Variants in NMT1 observed in about 807,000 individuals in gnomAD.
The protein encoded by NMT1 is N-myristoyltransferase 1.
Under a neutral mutation model 63.4 loss-of-function variants are expected in NMT1, and 12 were observed. The observed-to-expected ratio is 0.19, with a 90% CI of 0.12 to 0.31. The LOEUF (loss-of-function observed/expected upper bound fraction) is 0.31. NMT1 is among the 10% of genes least tolerant of loss of function. The pLI is 1.00. For missense variants in NMT1, 432 were observed against 634.6 expected (o/e 0.68, Z 3.43); for synonymous variants, 228 against 234.3 (o/e 0.97, Z 0.25).
intron 8 of NMT1, 71 bp downstream of exon 8, chr17:45,099,584 G>A: frequency 5.4e-6 from 6 of 1,107,624 alleles, no homozygotes; most frequent in Non-Finnish European, 8.3e-6. Flanking sequence ...CAGCAGGAGA[G>A]AAGGGCTCTG....
chr17:45,072,372 G>C (rs1042746797), intron 1 of NMT1, among the ~76,000 whole-genome samples: 5 of 151,360 alleles, frequency 3.3e-5, no homozygotes, highest in African/African-American at 1.2e-4. Context: ...CGATTCTTCT[G>C]CCTCAGCCTC....
At chr17:45,076,135 C>T (rs1446179906) in intron 1 of NMT1, among the ~76,000 whole-genome samples, 2 of 152,088 alleles carry the variant, frequency 1.3e-5, no homozygotes, top group Non-Finnish European at 2.9e-5. Context: ...GAAGGATTAG[C>T]CTGGCTTCTG....
rs1173245042 is a variant in NMT1 at position 45,103,891 on chromosome 17, G to T, written c.1332+15G>T. On this transcript the variant is annotated intron_variant, in intron 10 of 11. Coordinates refer to ENST00000258960, the MANE Select transcript of NMT1 (RefSeq NM_021079.5). The surrounding 1 kb of genome is among the most constrained non-coding windows in gnomAD (Gnocchi z 4.8). Reference sequence around the variant, plus strand: ...TCGCCAAAATGGTGAGGAGCAGACGGGGGGGTCTCTGGAGATGTGCAGGGA... The same window carrying T: ...TCGCCAAAATGGTGAGGAGCAGACGTGGGGGTCTCTGGAGATGTGCAGGGA... 1.9e-6 allele frequency: 3 copies of T among 1,612,892 alleles called. No homozygotes were observed. Among genetic ancestry groups the T allele is most frequent in the Non-Finnish European group, 2.5e-6 (3 of 1,179,984 alleles).
At chr17:45,079,100 TTTTC>T (rs1197538083) in intron 1 of NMT1, among the ~76,000 whole-genome samples, 2 of 150,626 alleles carry the variant, frequency 1.3e-5, no homozygotes, top group Non-Finnish European at 3.0e-5. Context: ...TTTCTTTTCT[TTTTC>T]TTTTTTTTTT....
rs2054211825 is a variant in NMT1 at position 45,107,753 on chromosome 17, A to C, written c.*2114A>C. On this transcript the variant is annotated 3_prime_UTR_variant, in exon 12 of 12. Coordinates refer to ENST00000258960, the MANE Select transcript of NMT1 (RefSeq NM_021079.5). ...AGATTTGGGCTGTGCGGATCTCTGG[A>C]GTGAGCTCTGTTTCGGTTGACCCAG... 1 of 152,276 alleles carries C rather than the reference A, an allele frequency of 6.6e-6. No homozygotes were observed. The highest frequency in any genetic ancestry group is 6.5e-5 in the Admixed American group (1 of 15,286). 9.4% of individuals were successfully genotyped at this position (152,276 alleles called of 1,614,324 possible). A position where few individuals can be genotyped will look rare whatever the true frequency, so the allele number is the denominator to read the frequency against.
In NMT1 at chr17:45,096,151, A is replaced by G. The variant is rs755502133; in HGVS notation, c.505-43A>G. The stretch of plus-strand genomic sequence containing the variant: ...CCCAGGGTATTGGAGTTGGTCTACT[A>G]CCTGGCAGAATACCTCCAAGTGAGC... On this transcript the variant is annotated intron_variant, in intron 4 of 11. Coordinates refer to ENST00000258960, the MANE Select transcript of NMT1 (RefSeq NM_021079.5). 17 of 1,483,116 alleles carry G rather than the reference A, an allele frequency of 1.1e-5. No homozygotes were observed. The Admixed American group carries it at 2.3e-4, about 20-fold the overall frequency. 91.9% of individuals were successfully genotyped at this position (1,483,116 alleles called of 1,614,324 possible).
intron 2 of NMT1, among the ~76,000 whole-genome samples, chr17:45,085,081 C>T (rs1203193235): frequency 6.6e-6 from 1 of 151,546 alleles, no homozygotes; most frequent in Non-Finnish European, 1.5e-5. Context: ...GACCCCGTCT[C>T]GACAAAAAAA....
intron 6 of NMT1, 75 bp from the exon 7 acceptor site, chr17:45,098,307 G>C: frequency 1.4e-6 from 2 of 1,422,218 alleles, no homozygotes; most frequent in South Asian, 2.5e-5. Flanking sequence ...TCTAGGTGTG[G>C]CTGCACGTGC....
Position 45,061,361 on chromosome 17 carries a change from C to A in NMT1, c.32C>A (p.Pro11Gln). The A allele has an allele frequency of 1.9e-6, 3 of 1,613,962 alleles. No individual in the cohort carries two copies. Among genetic ancestry groups the A allele is most frequent in the Non-Finnish European group, 2.5e-6 (3 of 1,179,980 alleles). The part of the protein sequence containing the change: MADESETAVK[P>Q]PAPPLPQMME... Reference sequence around the variant, plus strand: ...GACGAGAGTGAGACAGCAGTGAAGCCGCCGGCACCTCCGCTGCCGCAGATG... The same window carrying A: ...GACGAGAGTGAGACAGCAGTGAAGCAGCCGGCACCTCCGCTGCCGCAGATG... The change falls in exon 1 of 12, where the codon CCG becomes CAG. Residue 11 changes from proline to glutamine, a missense_variant. Pro to Gln is a moderately conservative substitution (Grantham distance 76). Transcript: ENST00000258960.
In NMT1 at chr17:45,105,715, A is replaced by C; in HGVS notation, c.*76A>C. 1.4e-6 allele frequency: 2 copies of C among 1,431,544 alleles called. No homozygotes were observed. The highest frequency in any genetic ancestry group is 4.7e-5 in the East Asian group (2 of 42,852). The allele number at this position is 1,431,544 out of a possible 1,614,324, so 88.7% of individuals were successfully genotyped here. On this transcript the variant is annotated 3_prime_UTR_variant, in exon 12 of 12. Transcript: ENST00000258960. This position sits in a 1 kb window ranked among gnomAD's most constrained non-coding sequence, Gnocchi z 4.2. Reference sequence around the variant, plus strand: ...AATGGAACCCCACCACTGTTGGTCCAATTTTCACACACGTGAGAATCCCTG... The same window carrying C: ...AATGGAACCCCACCACTGTTGGTCCCATTTTCACACACGTGAGAATCCCTG...
intron 1 of NMT1, among the ~76,000 whole-genome samples, chr17:45,075,312 C>T (rs111598486): frequency 0.11 from 16,494 of 151,648 alleles, 988 homozygotes; most frequent in Middle Eastern, 0.18. Context: ...GGTGAAACCC[C>T]GTCTCTACTA....
rs2054209827 is a variant in NMT1 at position 45,107,433 on chromosome 17, T to C, written c.*1794T>C. ...CAGGCCCCAGCAATCGTGACTGACG[T>C]TTGCTCCTTGACTCCAAGAAACTGA... On this transcript the variant is annotated 3_prime_UTR_variant, in exon 12 of 12. Coordinates refer to ENST00000258960, the MANE Select transcript of NMT1 (RefSeq NM_021079.5). 6.6e-6 allele frequency: 1 copy of C among 152,598 alleles called. No homozygotes were observed. The highest frequency in any genetic ancestry group is 1.5e-5 in the Non-Finnish European group (1 of 68,030). The allele number at this position is 152,598 out of a possible 1,614,324, so 9.5% of individuals were successfully genotyped here.
At chr17:45,100,889 A>AG (rs1359745030) in intron 8 of NMT1, among the ~76,000 whole-genome samples, 10 of 132,054 alleles carry the variant, frequency 7.6e-5, no homozygotes, top group Non-Finnish European at 1.5e-4. Context: ...AAAAAAAAAA[A>AG]AAAAAAAGAA....
rs375089291 is a variant in NMT1, at chr17:45,097,218, C to G, written c.687C>G (p.Ile229Met). ...SRKLVGFISAIPANIHIYDTE... is the reference protein window; with the variant it reads ...SRKLVGFISAMPANIHIYDTE... ...AATTGGTTGGGTTCATTAGCGCCAT[C>G]CCAGCAAACATCCATATCTATGACA... The change falls in exon 6 of 12, where the codon ATC (isoleucine) becomes ATG (methionine). Residue 229 changes from isoleucine (I) to methionine (M), a missense_variant. By Grantham distance (10) the Ile-to-Met change is conservative. Coordinates refer to ENST00000258960, the MANE Select transcript of NMT1 (RefSeq NM_021079.5). 1 of 1,613,950 alleles carries G rather than the reference C, an allele frequency of 6.2e-7. No homozygotes were observed. The highest frequency in any genetic ancestry group is 8.5e-7 in the Non-Finnish European group (1 of 1,179,828).
rs2054191555 is a variant in NMT1, at chr17:45,104,689, C to A, written c.1333-170C>A. 9.7e-6 allele frequency: 14 copies of A among 1,444,608 alleles called. No homozygotes were observed. In the South Asian group the frequency reaches 2.0e-4, roughly 21 times the overall value. 89.5% of individuals were successfully genotyped at this position (1,444,608 alleles called of 1,614,324 possible). A position where few individuals can be genotyped will look rare whatever the true frequency, so the allele number is the denominator to read the frequency against. ...AGGCTGGAGGGGGCGCTCAGAGTGT[C>A]CTGAGAACCACCCGGAGAGCGGGGA... On this transcript the variant is annotated intron_variant, in intron 10 of 11. Transcript: ENST00000258960. The surrounding 1 kb of genome is among the most constrained non-coding windows in gnomAD (Gnocchi z 4.2).
At chr17:45,070,896 A>G (rs561178452) in intron 1 of NMT1, among the ~76,000 whole-genome samples, 1 of 152,190 alleles carries the variant, frequency 6.6e-6, no homozygotes, top group East Asian at 1.9e-4. Context: ...TATTTTTCCC[A>G]TCATTTGGGA....
intron 3 of NMT1, among the ~76,000 whole-genome samples, chr17:45,087,812 A>G (rs919105671): frequency 1.3e-5 from 2 of 152,176 alleles, no homozygotes; most frequent in African/African-American, 4.8e-5. Flanking sequence ...CAGACAGGGT[A>G]GGGCTAAAGA....
chr17:45,082,613 A>G (rs1035452098), intron 2 of NMT1, among the ~76,000 whole-genome samples: 3 of 152,340 alleles, frequency 2.0e-5, no homozygotes, highest in South Asian at 2.1e-4. Context: ...TGTTTCTTAA[A>G]TAAAACAACA....
intron 1 of NMT1, among the ~76,000 whole-genome samples, chr17:45,071,816 G>A (rs1482270128): frequency 2.0e-5 from 3 of 152,086 alleles, no homozygotes; most frequent in East Asian, 1.9e-4. Context: ...CTACTACATC[G>A]TGAGACTCCT....
Sources: allele counts gnomAD v4.1 joint callset (sites outside exome capture counted in the v4.1 genomes callset), GRCh38; gene constraint gnomAD v4.1.1; non-coding constraint Gnocchi (gnomAD v3.1); transcripts MANE v1.5; gene names NCBI Gene and HGNC (gene_info 2026-07-23, HGNC 2026-07-21).